The following ZNF521 variants were observed in gnomAD, a reference collection of about 807,000 sequenced individuals.
The protein encoded by ZNF521 is LYST-interacting protein 3.
Under a neutral mutation model 105.5 loss-of-function variants are expected in ZNF521, and 14 were observed. The observed-to-expected ratio is 0.13, with a 90% CI of 0.09 to 0.21. The LOEUF (loss-of-function observed/expected upper bound fraction) is 0.21, where lower values mean the gene tolerates loss of function less well. Among genes scored for constraint, ZNF521 ranks in the 10% least tolerant of loss-of-function variants. The pLI is 1.00. For synonymous variants in ZNF521, 635 were observed against 606.0 expected, an observed-to-expected ratio of 1.05 and a Z score of -0.70; for missense variants, 1,233 against 1,629.7, an observed-to-expected ratio of 0.76 and a Z score of 4.19.
At chr18:25,251,629 T>C (rs968276537) in intron 3 of ZNF521, among the ~76,000 whole-genome samples, 3 of 152,274 alleles carry the variant, frequency 2.0e-5, no homozygotes, top group East Asian at 1.9e-4. Context: ...ACAAATGCAA[T>C]ATGTTAGTGA....
chr18:25,288,431 CTCTT>C (rs1910825093), intron 3 of ZNF521, among the ~76,000 whole-genome samples: 1 of 152,120 alleles, frequency 6.6e-6, no homozygotes, highest in African/African-American at 2.4e-5. Flanking sequence ...TTACCCTCAA[CTCTT>C]TCCTTTCGGG....
At chr18:25,315,334 C>T (rs1358239783) in intron 3 of ZNF521, among the ~76,000 whole-genome samples, 2 of 152,076 alleles carry the variant, frequency 1.3e-5, no homozygotes, top group Non-Finnish European at 2.9e-5. Context: ...TGATACATAA[C>T]TTACTTATAC....
chr18:25,104,343 T>C (rs2034028788), intron 5 of ZNF521, among the ~76,000 whole-genome samples: 1 of 152,214 alleles, frequency 6.6e-6, no homozygotes, highest in African/African-American at 2.4e-5. Context: ...AAACATTTTA[T>C]ATATTTAAAG....
In ZNF521 at chr18:25,226,853, G is replaced by A. The variant is rs776371103; in HGVS notation, c.1065C>T (p.Ser355=). 4 of 1,613,904 alleles carry A rather than the reference G, an allele frequency of 2.5e-6. No homozygotes were observed. The highest frequency in any genetic ancestry group is 1.1e-5 in the South Asian group (1 of 91,046). The change falls in exon 4 of 8, where the codon TCC becomes TCT. Residue 355 remains serine (S), a synonymous_variant. Transcript: ENST00000361524. This position sits in a 1 kb window ranked among gnomAD's most constrained non-coding sequence, Gnocchi z 4.1. ...SLVTVGYTSV[S]STTPDSNLSV... is the part of the protein sequence containing the mutation. ...AGAGGTTGGAATCTGGAGTCGTACT[G>A]GACACGGAGGTATAGCCCACCGTGA...
In ZNF521 at chr18:25,271,247, CA is replaced by C. The variant is rs1909637626; in HGVS notation, c.221-43551del. On this transcript the variant is annotated intron_variant, in intron 3 of 7. Coordinates refer to ENST00000361524, the MANE Select transcript of ZNF521 (RefSeq NM_015461.3). ...AAGGACCTCTTCAAGAACTATAAACCACTGCTCAAGGAAATAAGAGAGGACA... is the reference window on the plus strand; with the variant it reads ...AAGGACCTCTTCAAGAACTATAAACCCTGCTCAAGGAAATAAGAGAGGACA... Among the ~76,000 whole-genome samples, 3 of 152,196 alleles carry C rather than the reference CA, an allele frequency of 2.0e-5. No homozygotes were observed. In the South Asian group the frequency reaches 6.2e-4, roughly 32 times the overall value.
intron 5 of ZNF521, among the ~76,000 whole-genome samples, chr18:25,172,827 A>G (rs1277550823): frequency 6.6e-6 from 1 of 152,144 alleles, no homozygotes; most frequent in Admixed American, 6.5e-5. Context: ...GTTATATGTG[A>G]TCATCCAAAC....
chr18:25,103,156 T>A (rs978009258), intron 5 of ZNF521, among the ~76,000 whole-genome samples: 3 of 152,068 alleles, frequency 2.0e-5, no homozygotes, highest in Admixed American at 6.5e-5. Context: ...ATGGGGAATT[T>A]TATCTCCCTA....
chr18:25,085,242 A>T (rs564181190), intron 7 of ZNF521, among the ~76,000 whole-genome samples: 3 of 147,238 alleles, frequency 2.0e-5, no homozygotes, highest in East Asian at 4.0e-4. Context: ...TATATATATA[A>T]GTATAATATG....
chr18:25,080,614 G>C (rs2033472833), intron 7 of ZNF521, among the ~76,000 whole-genome samples: 2 of 152,224 alleles, frequency 1.3e-5, no homozygotes, highest in African/African-American at 4.8e-5. Flanking sequence ...ATTTCACCCG[G>C]CTGTCCGAGG....
At chr18:25,085,998 G>A (rs2033614923) in intron 7 of ZNF521, among the ~76,000 whole-genome samples, 1 of 151,936 alleles carries the variant, frequency 6.6e-6, no homozygotes, top group Non-Finnish European at 1.5e-5. Context: ...TCTCTAATAG[G>A]ATTGCAGTTC....
At chr18:25,269,654 C>G (rs1458587254) in intron 3 of ZNF521, among the ~76,000 whole-genome samples, 1 of 152,170 alleles carries the variant, frequency 6.6e-6, no homozygotes, top group Non-Finnish European at 1.5e-5. Context: ...AACTGCACAA[C>G]TACATGGAAA....
At position 25,296,611 on chromosome 18, in the gene ZNF521, C is replaced by T. The variant is rs145598858; in HGVS notation, c.220+25397G>A. On this transcript the variant is annotated intron_variant, in intron 3 of 7. Transcript: ENST00000361524. ...ACTGTTCTTTAGAGAGTGTTTTGGCCTTCTCAGGTCACACAATGGTGTACA... is the reference window on the plus strand; with the variant it reads ...ACTGTTCTTTAGAGAGTGTTTTGGCTTTCTCAGGTCACACAATGGTGTACA... Among the ~76,000 whole-genome samples the T allele has an allele frequency of 2.6e-5, 4 of 152,174 alleles. No individual in the cohort carries two copies. The East Asian group carries it at 7.7e-4, about 29-fold the overall frequency.
At chr18:25,344,953 T>C (rs1297198356) in intron 2 of ZNF521, among the ~76,000 whole-genome samples, 1 of 152,210 alleles carries the variant, frequency 6.6e-6, no homozygotes, top group Non-Finnish European at 1.5e-5. Context: ...TTAATAAAAT[T>C]CTTAATTGAT....
intron 5 of ZNF521, among the ~76,000 whole-genome samples, chr18:25,175,246 G>A (rs2035517452): frequency 1.3e-5 from 2 of 152,176 alleles, no homozygotes; most frequent in Non-Finnish European, 2.9e-5. Context: ...ACGTATAAGT[G>A]GTTAGACCTT....
At chr18:25,300,406 G>A (rs1017914208) in intron 3 of ZNF521, among the ~76,000 whole-genome samples, 1 of 152,148 alleles carries the variant, frequency 6.6e-6, no homozygotes, top group Non-Finnish European at 1.5e-5. Flanking sequence ...ATGATAGGTA[G>A]ACATATACAC....
chr18:25,330,259 G>C (rs188348367), intron 2 of ZNF521, among the ~76,000 whole-genome samples: 1 of 152,016 alleles, frequency 6.6e-6, no homozygotes, highest in Non-Finnish European at 1.5e-5. Flanking sequence ...TGCCTCCCAG[G>C]TTCAAACGAT....
chr18:25,133,158 TTCAATAAATA>T (rs1252051459), intron 5 of ZNF521, among the ~76,000 whole-genome samples: 7 of 152,128 alleles, frequency 4.6e-5, no homozygotes, highest in Non-Finnish European at 8.8e-5. Context: ...CTTGGTAGAG[TTCAATAAATA>T]ATACCATCTA....
At chr18:25,335,363 AGGGT>A (rs1913813419) in intron 2 of ZNF521, among the ~76,000 whole-genome samples, 1 of 152,166 alleles carries the variant, frequency 6.6e-6, no homozygotes, top group Admixed American at 6.5e-5. Flanking sequence ...GGTCATCTCT[AGGGT>A]CTTCCCTGCT....
intron 2 of ZNF521, among the ~76,000 whole-genome samples, chr18:25,343,627 G>A (rs371661942): frequency 2.0e-5 from 3 of 152,096 alleles, no homozygotes; most frequent in East Asian, 3.9e-4. Flanking sequence ...ATGATCATGC[G>A]GGAATAGTAT....
Sources: gnomAD v4.1 joint callset for allele counts (sites outside exome capture counted in the v4.1 genomes callset) on GRCh38, gnomAD v4.1.1 for gene constraint, Gnocchi (gnomAD v3.1) non-coding constraint, MANE v1.5 for transcripts, NCBI Gene and HGNC (gene_info 2026-07-23, HGNC 2026-07-21) for gene names.